Variants in CAD observed in about 807,000 individuals in gnomAD.
The protein encoded by CAD is multifunctional protein CAD.
A neutral mutation model predicts 237.2 loss-of-function variants in CAD; 81 were observed. The observed-to-expected ratio is 0.34, with a 90% CI of 0.29 to 0.41. The LOEUF (loss-of-function observed/expected upper bound fraction) is 0.41, where lower values mean the gene tolerates loss of function less well. CAD is among the 10% of genes least tolerant of loss of function. The pLI, the probability that CAD is intolerant of heterozygous loss-of-function variation, is 1.00. For missense variants in CAD, 2,181 were observed against 2,951.7 expected, an observed-to-expected ratio of 0.74 and a Z score of 6.05; for synonymous variants, 1,196 against 1,162.8, an observed-to-expected ratio of 1.03 and a Z score of -0.58.
chr2:27,240,525 ACATCTCACAG>A lies in CAD; in HGVS notation c.5593+166_5593+175del. The A allele has an allele frequency of 6.5e-7, 1 of 1,536,620 alleles. No homozygotes were observed. The highest frequency in any genetic ancestry group is 8.8e-7 in the Non-Finnish European group (1 of 1,133,730). ...AAACAAGTCTCCCCGGTGTGAGTAGACATCTCACAGCTTCTCACATGCCCTTTTTTGTTGT... is the reference window on the plus strand; with the variant it reads ...AAACAAGTCTCCCCGGTGTGAGTAGACTTCTCACATGCCCTTTTTTGTTGT... On this transcript the variant is annotated intron_variant, in intron 35 of 43. Coordinates refer to ENST00000264705, the MANE Select transcript of CAD (RefSeq NM_004341.5). This position sits in a 1 kb window ranked among gnomAD's most constrained non-coding sequence, Gnocchi z 4.6.
At chr2:27,218,150 C>T (rs73921471) in intron 2 of CAD, 134 bp downstream of exon 2, 4 of 712,640 alleles carry the variant, frequency 5.6e-6, no homozygotes, top group East Asian at 3.1e-5. Flanking sequence ...AAGTCAAGGA[C>T]TAAGATCACT....
chr2:27,240,554 T>C lies in CAD; in HGVS notation c.5593+193T>C. On this transcript the variant is annotated intron_variant, in intron 35 of 43. Transcript: ENST00000264705. The surrounding 1 kb of genome is among the most constrained non-coding windows in gnomAD (Gnocchi z 4.6). ...CTCACAGCTTCTCACATGCCCTTTT[T>C]TGTTGTGGGCAGCTGTGTTCCTCCG... 2.6e-6 allele frequency: 4 copies of C among 1,547,840 alleles called. No homozygotes were observed. Among genetic ancestry groups the C allele is most frequent in the South Asian group, 1.2e-5 (1 of 83,426 alleles).
rs1357809860 is a variant in CAD at position 27,231,703 on chromosome 2, C to T, written c.2400+123C>T. On this transcript the variant is annotated intron_variant, in intron 16 of 43. Transcript: ENST00000264705. ...CATCATTGGACATTTGCTTTGTTTC[C>T]ACTTTGCTGAGAATTTTGAGATGTC... 8.5e-6 allele frequency: 6 copies of T among 705,600 alleles called. No individual in the cohort carries two copies. In the African/African-American group the frequency reaches 8.9e-5, roughly 10 times the overall value. 43.7% of individuals were successfully genotyped at this position (705,600 alleles called of 1,614,324 possible). A position where few individuals can be genotyped will look rare whatever the true frequency, so the allele number is the denominator to read the frequency against.
Position 27,238,631 on chromosome 2 carries a change from T to C in CAD, c.5061T>C (p.His1687=). ...MAVIDCFASD[H]APHTLEEKCG... The stretch of plus-strand genomic sequence containing the variant: ...TCATCGACTGCTTTGCCTCAGACCA[T>C]GGTGAGAGAATCCAGCATGTACCTC... Residue 1687 remains histidine (H), a splice_region_variant and synonymous_variant, in exon 31 of 44, where the codon CAT becomes CAC. Coordinates refer to ENST00000264705, the MANE Select transcript of CAD (RefSeq NM_004341.5). The C allele has an allele frequency of 6.2e-7, 1 of 1,607,322 alleles. No individual in the cohort carries two copies. The highest frequency in any genetic ancestry group is 8.5e-7 in the Non-Finnish European group (1 of 1,176,838).
rs139244821 is a variant in CAD, at chr2:27,239,979, A to G, written c.5496+181A>G. 1.7e-5 allele frequency: 10 copies of G among 592,444 alleles called. No individual in the cohort carries two copies. In the East Asian group the frequency reaches 2.9e-4, roughly 17 times the overall value. 36.7% of individuals were successfully genotyped at this position (592,444 alleles called of 1,614,324 possible). On this transcript the variant is annotated intron_variant, in intron 34 of 43. Transcript: ENST00000264705. This position sits in a 1 kb window ranked among gnomAD's most constrained non-coding sequence, Gnocchi z 4.0. ...GGCCAGGCCAGATGTGGTGGCTCAC[A>G]CTTGTAATCCCAGCACTTTGGGAGG...
intron 23 of CAD, 55 bp downstream of exon 23, chr2:27,234,740 C>T: frequency 6.6e-7 from 1 of 1,526,250 alleles, no homozygotes; most frequent in Non-Finnish European, 9.0e-7. Context: ...AGAGAGTTCA[C>T]TCACCACACA....
In CAD at chr2:27,226,195, C is replaced by T; in HGVS notation, c.1907C>T (p.Pro636Leu). The T allele has an allele frequency of 6.2e-7, 1 of 1,614,134 alleles. No individual in the cohort carries two copies. The highest frequency in any genetic ancestry group is 8.5e-7 in the Non-Finnish European group (1 of 1,179,954). The change falls in exon 13 of 44, where the codon CCT becomes CTT. Residue 636 changes from proline to leucine, a missense_variant. This residue lies in a region of CAD where 385 missense variants were observed against 535.1 expected (regional missense o/e 0.72). Coordinates refer to ENST00000264705, the MANE Select transcript of CAD (RefSeq NM_004341.5). ...IHTGESIVVA[P>L]SQTLNDREYQ... ...ACTGGTGAGTCCATAGTGGTGGCCC[C>T]TAGCCAGACACTGAATGACAGGGAG...
rs1675988040 is a variant in CAD, at chr2:27,236,066, C to T, written c.4075-218C>T. On this transcript the variant is annotated intron_variant, in intron 25 of 43. Coordinates refer to ENST00000264705, the MANE Select transcript of CAD (RefSeq NM_004341.5). The surrounding 1 kb of genome is among the most constrained non-coding windows in gnomAD (Gnocchi z 4.1). ...CTGTGTACATGTGTGTGAGCTCATA[C>T]TGCACCTAGTCCTTGGTAACCCATC... 6.6e-6 allele frequency among the ~76,000 whole-genome samples: 1 copy of T among 152,206 alleles called. No individual in the cohort carries two copies. Among genetic ancestry groups the T allele is most frequent in the Admixed American group, 6.5e-5 (1 of 15,288 alleles).
chr2:27,231,818 G>A (rs890994373), intron 16 of CAD, among the ~76,000 whole-genome samples, 162 bp from the exon 17 acceptor site: 1 of 152,214 alleles, frequency 6.6e-6, no homozygotes, highest in Non-Finnish European at 1.5e-5. Context: ...AAGCCACATA[G>A]CCAATGAGAG....
intron 4 of CAD, 34 bp downstream of exon 4, chr2:27,222,370 C>T (rs781539020): frequency 5.6e-6 from 9 of 1,596,454 alleles, no homozygotes; most frequent in Non-Finnish European, 7.7e-6. Flanking sequence ...GTTGCAAGCT[C>T]TAGCACAGTA....
At chr2:27,226,357 AC>A (rs1338527928) in intron 13 of CAD, 38 bp downstream of exon 13, 20 of 1,595,308 alleles carry the variant, frequency 1.3e-5, no homozygotes, top group Non-Finnish European at 1.6e-5. Flanking sequence ...TCTAGTTGTT[AC>A]CCCCTCTTCT....
chr2:27,226,041 C>A, intron 12 of CAD, 90 bp from the exon 13 acceptor site: 1 of 1,483,322 alleles, frequency 6.7e-7, no homozygotes, highest in South Asian at 1.2e-5. Flanking sequence ...AGGTTAGGTG[C>A]AGCCCCAGAG....
Position 27,233,133 on chromosome 2 carries a change from C to T in CAD, c.2984C>T (p.Ser995Phe). 1 of 1,611,404 alleles carries T rather than the reference C, an allele frequency of 6.2e-7. No homozygotes were observed. The highest frequency in any genetic ancestry group is 2.2e-5 in the East Asian group (1 of 44,864). The change falls in exon 19 of 44, where the codon TCT becomes TTT. Residue 995 changes from serine to phenylalanine, a missense_variant. Physicochemically the swap from Ser to Phe is radical, Grantham distance 155. Coordinates refer to ENST00000264705, the MANE Select transcript of CAD (RefSeq NM_004341.5). The surrounding 1 kb of genome is among the most constrained non-coding windows in gnomAD (Gnocchi z 6.3). Reference protein sequence around the residue: ...MCDRLYFDEISFEVVMDIYEL... With the variant: ...MCDRLYFDEIFFEVVMDIYEL... ...GATCGACTCTACTTTGATGAGATCT[C>T]TTTTGAGGTGAGGGAGATGGAGGCT... is the stretch of plus-strand genomic sequence containing the variant.
chr2:27,232,530 T>G lies in CAD; in HGVS notation c.2728T>G (p.Trp910Gly), dbSNP rs1373246328. ...VKQIDTVAAE[W>G]PAQTNYLYLT... ...ACAGATTGACACAGTTGCAGCTGAG[T>G]GGCCAGCCCAGACAAATTACCTATA... is the stretch of plus-strand genomic sequence containing the variant. Residue 910 changes from tryptophan (W) to glycine (G), a missense_variant, in exon 18 of 44, where the codon TGG becomes GGG. Transcript: ENST00000264705. This position sits in a 1 kb window ranked among gnomAD's most constrained non-coding sequence, Gnocchi z 4.1. The G allele has an allele frequency of 1.2e-6, 2 of 1,614,050 alleles. No homozygotes were observed. The highest frequency in any genetic ancestry group is 1.7e-6 in the Non-Finnish European group (2 of 1,180,030).
At chr2:27,225,630 C>A in intron 11 of CAD, 75 bp from the exon 12 acceptor site, 1 of 1,162,672 alleles carries the variant, frequency 8.6e-7, no homozygotes, top group Non-Finnish European at 1.3e-6. Context: ...TTCTTTATAT[C>A]TTTTTTTATG....
At chr2:27,218,090 G>A (rs1342514762) in intron 2 of CAD, 74 bp downstream of exon 2, 4 of 1,339,398 alleles carry the variant, frequency 3.0e-6, no homozygotes, top group Non-Finnish European at 4.1e-6. Context: ...AGTAGGAGAC[G>A]TTGACACCCT....
chr2:27,236,975 C>A lies in CAD; in HGVS notation c.4396+145C>A. ...GACCCCAGAATGTTTCTCACTCTTT[C>A]ATTCCTTAATCCACAGTGTCCACAG... On this transcript the variant is annotated intron_variant, in intron 27 of 43. Transcript: ENST00000264705. The surrounding 1 kb of genome is among the most constrained non-coding windows in gnomAD (Gnocchi z 4.1). The A allele has an allele frequency of 5.8e-6, 4 of 695,580 alleles. No individual in the cohort carries two copies. Among genetic ancestry groups the A allele is most frequent in the Non-Finnish European group, 1.0e-5 (4 of 388,044 alleles). 43.1% of individuals were successfully genotyped at this position (695,580 alleles called of 1,614,324 possible).
chr2:27,220,413 C>T (rs992315309), intron 2 of CAD, among the ~76,000 whole-genome samples: 1 of 151,966 alleles, frequency 6.6e-6, no homozygotes, highest in Non-Finnish European at 1.5e-5. Flanking sequence ...CTTTGGAAGG[C>T]TGAGGTGGGG....
chr2:27,220,583 G>C (rs753250914), intron 2 of CAD, among the ~76,000 whole-genome samples: 2 of 151,684 alleles, frequency 1.3e-5, no homozygotes, highest in Non-Finnish European at 2.9e-5. Context: ...CCAGGAGATT[G>C]AGGCTGTAGT....
Sources: gnomAD v4.1 joint callset for allele counts (sites outside exome capture counted in the v4.1 genomes callset) on GRCh38, gnomAD v4.1.1 for gene constraint, gnomAD v4.1.1 regional missense constraint, Gnocchi (gnomAD v3.1) non-coding constraint, MANE v1.5 for transcripts, NCBI Gene and HGNC (gene_info 2026-07-23, HGNC 2026-07-21) for gene names.